CACNA1C: variants seen among roughly 807,000 people sequenced by gnomAD.
CACNA1C encodes the protein voltage-dependent L-type calcium channel subunit alpha-1C.
CACNA1C carries 30 observed loss-of-function variants against 229.0 expected under a neutral mutation model. The observed-to-expected ratio is 0.13, with a 90% CI of 0.10 to 0.18. The LOEUF (loss-of-function observed/expected upper bound fraction) is 0.18. Ranked by LOEUF, CACNA1C falls within the 10% of genes least tolerant of loss-of-function variation. CACNA1C has a pLI of 1.00. For synonymous variants in CACNA1C, 1,114 were observed against 1,132.5 expected, an observed-to-expected ratio of 0.98 and a Z score of 0.33; for missense variants, 1,658 against 2,845.0, an observed-to-expected ratio of 0.58 and a Z score of 9.49.
At chr12:2,549,717 C>T (rs1252115758) in intron 9 of CACNA1C, among the ~76,000 whole-genome samples, 2 of 152,186 alleles carry the variant, frequency 1.3e-5, no homozygotes, top group African/African-American at 4.8e-5. Context: ...GATGTCCTCC[C>T]ATACTTCCAT....
At chr12:2,224,987 A>T (rs544121066) in intron 3 of CACNA1C, among the ~76,000 whole-genome samples, 19 of 152,302 alleles carry the variant, frequency 1.2e-4, no homozygotes, top group Admixed American at 9.8e-4. Flanking sequence ...TCAGACATTT[A>T]AGGTTGTGGC....
In CACNA1C at chr12:2,493,594, C is replaced by T. The variant is rs942529178; in HGVS notation, c.1113+208C>T. On this transcript the variant is annotated intron_variant, in intron 7 of 46. Transcript: ENST00000399655. The surrounding 1 kb of genome is among the most constrained non-coding windows in gnomAD (Gnocchi z 4.6). ...CACCCTAACGAGTCCCCTCCCCCAC[C>T]CGCCAGCCTTAGGGGAAGGTCATTT... Among the ~76,000 whole-genome samples, 1 of 152,188 alleles carries T rather than the reference C, an allele frequency of 6.6e-6. No homozygotes were observed. Among genetic ancestry groups the T allele is most frequent in the Non-Finnish European group, 1.5e-5 (1 of 68,046 alleles).
Position 2,453,219 on chromosome 12 carries a change from C to G in CACNA1C, c.617+4104C>G, listed in dbSNP as rs556399801. On this transcript the variant is annotated intron_variant, in intron 4 of 46. Coordinates refer to ENST00000399655, the MANE Select transcript of CACNA1C (RefSeq NM_000719.7). Reference sequence around the variant, plus strand: ...GCCTGGGGGCCTCCATGGAGCGTTTCTAGACCAATCCCCTCATCGCTCAGC... The same window carrying G: ...GCCTGGGGGCCTCCATGGAGCGTTTGTAGACCAATCCCCTCATCGCTCAGC... Among the ~76,000 whole-genome samples the G allele has an allele frequency of 1.1e-3, 161 of 152,252 alleles. 2 individuals are homozygous for G. Among genetic ancestry groups the G allele is most frequent in the Non-Finnish European group, 2.0e-3 (136 of 68,004 alleles).
intron 3 of CACNA1C, among the ~76,000 whole-genome samples, chr12:2,177,578 TCCC>T (rs2096688440): frequency 2.7e-4 from 9 of 33,314 alleles, no homozygotes; most frequent in African/African-American, 4.9e-4. Flanking sequence ...CCTCCCTCCC[TCCC>T]TCCCTCCCTT....
intron 3 of CACNA1C, among the ~76,000 whole-genome samples, chr12:2,188,251 T>C (rs1381025498): frequency 6.6e-6 from 1 of 152,216 alleles, no homozygotes; most frequent in Admixed American, 6.5e-5. Context: ...AAATAGAATA[T>C]ATTTGCTATA....
chr12:1,993,563 C>T (rs2040017636), intron 1 of CACNA1C, among the ~76,000 whole-genome samples: 2 of 151,824 alleles, frequency 1.3e-5, no homozygotes, highest in Admixed American at 1.3e-4. Context: ...GGACTAATTC[C>T]CATGTAATGC....
At position 2,275,799 on chromosome 12, in the gene CACNA1C, G is replaced by A. The variant is rs114531121; in HGVS notation, c.477+155369G>A. 1.2e-4 allele frequency among the ~76,000 whole-genome samples: 18 copies of A among 150,844 alleles called. No individual in the cohort carries two copies. The highest frequency in any genetic ancestry group is 4.5e-4 in the African/African-American group (18 of 40,200). Reference sequence around the variant, plus strand: ...AGTGGGGAGGGCTCAGTGCTTCCACGGGTGGATGTTCAGCAGCAGGCCCCC... The same window carrying A: ...AGTGGGGAGGGCTCAGTGCTTCCACAGGTGGATGTTCAGCAGCAGGCCCCC... On this transcript the variant is annotated intron_variant, in intron 3 of 46. Transcript: ENST00000399655. This position sits in a 1 kb window ranked among gnomAD's most constrained non-coding sequence, Gnocchi z 4.1.
chr12:2,481,288 G>A (rs572601111), intron 5 of CACNA1C, among the ~76,000 whole-genome samples: 7 of 152,304 alleles, frequency 4.6e-5, no homozygotes, highest in Non-Finnish European at 7.4e-5. Context: ...GCCAATCTGG[G>A]CATCTCCAGG....
chr12:2,324,662 G>A (rs1029987715), intron 3 of CACNA1C, among the ~76,000 whole-genome samples: 1 of 152,232 alleles, frequency 6.6e-6, no homozygotes, highest in Non-Finnish European at 1.5e-5. Flanking sequence ...AGGAAATAGG[G>A]CAGGCTTGCT....
chr12:2,107,168 A>G (rs1294732022), intron 1 of CACNA1C, among the ~76,000 whole-genome samples: 1 of 137,752 alleles, frequency 7.3e-6, no homozygotes, highest in Non-Finnish European at 1.5e-5. Context: ...TCCTGAAGCC[A>G]CTGGGTGCTC....
chr12:2,214,643 G>A (rs1039956033), intron 3 of CACNA1C, among the ~76,000 whole-genome samples: 3 of 81,704 alleles, frequency 3.7e-5, no homozygotes, highest in Admixed American at 2.2e-4. Flanking sequence ...GGATGGCCCT[G>A]TATGCCCTCA....
chr12:2,189,115 AAAAG>A (rs1241066678), intron 3 of CACNA1C, among the ~76,000 whole-genome samples: 1 of 151,576 alleles, frequency 6.6e-6, no homozygotes, highest in Non-Finnish European at 1.5e-5. Context: ...AAAAAAAAAA[AAAAG>A]ACACATTCCC....
At chr12:2,114,079 A>G (rs2082848899) in intron 1 of CACNA1C, among the ~76,000 whole-genome samples, 1 of 152,060 alleles carries the variant, frequency 6.6e-6, no homozygotes, top group African/African-American at 2.4e-5. Context: ...AACAGCAGAC[A>G]CCCTGTTACT....
chr12:2,622,128 A>G (rs764124518), intron 29 of CACNA1C, among the ~76,000 whole-genome samples: 46 of 152,310 alleles, frequency 3.0e-4, no homozygotes, highest in Admixed American at 7.2e-4. Context: ...ATTCCCCAGG[A>G]TAAGAGTAGG....
chr12:2,134,603 ATTCTT>A (rs1379884823), intron 3 of CACNA1C, among the ~76,000 whole-genome samples: 16 of 137,840 alleles, frequency 1.2e-4, no homozygotes, highest in Admixed American at 2.3e-4. Context: ...TGGGTTGGAA[ATTCTT>A]TTCTTTAAGA....
chr12:2,203,335 G>T (rs1043737627), intron 3 of CACNA1C, among the ~76,000 whole-genome samples: 3 of 152,118 alleles, frequency 2.0e-5, no homozygotes, highest in Admixed American at 1.3e-4. Flanking sequence ...TGGTGCTGTT[G>T]GCATTTTTGC....
chr12:2,445,106 A>G (rs181570741), intron 3 of CACNA1C, among the ~76,000 whole-genome samples: 5 of 152,042 alleles, frequency 3.3e-5, no homozygotes, highest in African/African-American at 1.2e-4. Flanking sequence ...CATACTTCCC[A>G]TCTTCTTAGT....
chr12:2,256,408 C>T (rs1175696124), intron 3 of CACNA1C, among the ~76,000 whole-genome samples: 4 of 152,094 alleles, frequency 2.6e-5, no homozygotes, highest in African/African-American at 4.8e-5. Flanking sequence ...GCCCTTTTTC[C>T]CCTTATTCTG....
intron 3 of CACNA1C, among the ~76,000 whole-genome samples, chr12:2,176,758 G>A (rs1332803287): frequency 6.6e-6 from 1 of 152,174 alleles, no homozygotes; most frequent in Non-Finnish European, 1.5e-5. Flanking sequence ...ATGGCTACAT[G>A]TCCATCACCC....
Sources: allele counts gnomAD v4.1 joint callset (sites outside exome capture counted in the v4.1 genomes callset), GRCh38; gene constraint gnomAD v4.1.1; non-coding constraint Gnocchi (gnomAD v3.1); transcripts MANE v1.5; gene names NCBI Gene and HGNC (gene_info 2026-07-23, HGNC 2026-07-21).